Variants in ZFHX3 observed in about 807,000 individuals in gnomAD.
ZFHX3 encodes zinc finger homeobox protein 3.
A neutral mutation model predicts 279.1 loss-of-function variants in ZFHX3; 42 were observed. The ratio of observed to expected loss-of-function variants is 0.15; its 90% CI spans 0.12 to 0.19. The LOEUF (loss-of-function observed/expected upper bound fraction) is 0.19. ZFHX3 is among the 10% of genes least tolerant of loss of function. ZFHX3 has a pLI of 1.00. For missense variants in ZFHX3, 4,981 were observed against 4,754.0 expected, an observed-to-expected ratio of 1.05 and a Z score of -1.40; for synonymous variants, 2,293 against 1,957.8, an observed-to-expected ratio of 1.17 and a Z score of -4.52.
At chr16:72,830,147 C>G (rs1434483746) in intron 4 of ZFHX3, among the ~76,000 whole-genome samples, 1 of 152,230 alleles carries the variant, frequency 6.6e-6, no homozygotes, top group Non-Finnish European at 1.5e-5. Flanking sequence ...TTGAGTAGTT[C>G]TAACTGAAAA....
intron 5 of ZFHX3, among the ~76,000 whole-genome samples, chr16:73,213,694 T>G (rs1271516634): frequency 6.6e-6 from 1 of 152,184 alleles, no homozygotes; most frequent in Non-Finnish European, 1.5e-5. Context: ...GGTGATGCTT[T>G]TGTGAATAGC....
intron 3 of ZFHX3, among the ~76,000 whole-genome samples, chr16:72,923,220 G>A (rs917938962): frequency 2.6e-5 from 4 of 152,224 alleles, no homozygotes; most frequent in African/African-American, 4.8e-5. Flanking sequence ...TGGGAGGATC[G>A]ATCGCTCGAG....
intron 3 of ZFHX3, among the ~76,000 whole-genome samples, chr16:72,926,218 A>G (rs565512426): frequency 7.9e-5 from 12 of 152,178 alleles, no homozygotes; most frequent in South Asian, 2.1e-4. Context: ...TTATAGCTAA[A>G]CTCAAACTAG....
chr16:73,850,513 C>A (rs760656710), intron 1 of ZFHX3, among the ~76,000 whole-genome samples: 2 of 151,996 alleles, frequency 1.3e-5, no homozygotes, highest in Non-Finnish European at 2.9e-5. Context: ...TGAGAACTCT[C>A]GGGGAAAAGG....
intron 2 of ZFHX3, among the ~76,000 whole-genome samples, chr16:73,469,623 A>AT (rs199659909): frequency 0.037 from 5,502 of 149,476 alleles, 142 homozygotes; most frequent in East Asian, 0.19. Context: ...CAATATATAT[A>AT]TATATTTTTT....
intron 2 of ZFHX3, among the ~76,000 whole-genome samples, chr16:73,493,609 A>T (rs1273974255): frequency 6.6e-6 from 1 of 152,224 alleles, no homozygotes; most frequent in Non-Finnish European, 1.5e-5. Context: ...GGACAGGTTC[A>T]CATGGTGCTT....
chr16:73,757,961 A>G (rs729432), intron 1 of ZFHX3, among the ~76,000 whole-genome samples: 60,903 of 152,056 alleles, frequency 0.4, 12,467 homozygotes, highest in Non-Finnish European at 0.43. Context: ...TTATTTCAGT[A>G]AAAATGCCTA....
At chr16:73,717,028 G>A (rs140994821) in intron 1 of ZFHX3, among the ~76,000 whole-genome samples, 8 of 152,104 alleles carry the variant, frequency 5.3e-5, no homozygotes, top group Non-Finnish European at 1.0e-4. Context: ...GAGTGCAAGC[G>A]CCATAGAACA....
intron 4 of ZFHX3, among the ~76,000 whole-genome samples, chr16:73,301,918 G>C (rs1052872073): frequency 6.6e-6 from 1 of 152,072 alleles, no homozygotes; most frequent in African/African-American, 2.4e-5. Flanking sequence ...ACCTGGACAA[G>C]GGCTGTGGGT....
chr16:73,446,999 T>C (rs977698908), intron 3 of ZFHX3, among the ~76,000 whole-genome samples: 1 of 151,522 alleles, frequency 6.6e-6, no homozygotes, highest in Admixed American at 6.6e-5. Context: ...GCTAACACAG[T>C]GAAACACCAT....
At chr16:73,688,495 G>A in intron 1 of ZFHX3, among the ~76,000 whole-genome samples, 1 of 152,062 alleles carries the variant, frequency 6.6e-6, no homozygotes, top group East Asian at 1.9e-4. Flanking sequence ...AGACCCCAGA[G>A]AGCTGCCTTG....
At chr16:73,129,714 ATGTG>A (rs34767541) in intron 7 of ZFHX3, among the ~76,000 whole-genome samples, 45 of 147,580 alleles carry the variant, frequency 3.0e-4, no homozygotes, top group Non-Finnish European at 4.9e-4. Flanking sequence ...GTGCATGTGT[ATGTG>A]TGTGTGTGTG....
At chr16:73,793,930 G>C (rs571692500) in intron 1 of ZFHX3, 17 of 151,442 alleles carry the variant, frequency 1.1e-4, no homozygotes, top group Admixed American at 2.6e-4. Flanking sequence ...GTGGTGATTG[G>C]GGGGAGGGGT....
chr16:73,872,275 T>C (rs2029863943), intron 1 of ZFHX3, among the ~76,000 whole-genome samples: 1 of 152,116 alleles, frequency 6.6e-6, no homozygotes, highest in African/African-American at 2.4e-5. Context: ...ACAGTCTCAT[T>C]TTGTTGCCCA....
At chr16:72,840,246 T>C (rs576177607) in intron 4 of ZFHX3, among the ~76,000 whole-genome samples, 1 of 151,950 alleles carries the variant, frequency 6.6e-6, no homozygotes, top group African/African-American at 2.4e-5. Context: ...CAAATGAAGG[T>C]GTATGGGAAA....
At chr16:73,619,498 A>AT (rs1220654680) in intron 2 of ZFHX3, among the ~76,000 whole-genome samples, 95 of 59,022 alleles carry the variant, frequency 1.6e-3, no homozygotes, top group African/African-American at 3.1e-3. Flanking sequence ...AAAAAAAAAA[A>AT]ATTATATATA....
At chr16:73,539,141 T>TC (rs2019964004) in intron 2 of ZFHX3, among the ~76,000 whole-genome samples, 1 of 152,052 alleles carries the variant, frequency 6.6e-6, no homozygotes, top group African/African-American at 2.4e-5. Flanking sequence ...TTCTTTCTTT[T>TC]TTTTTTGCCT....
At chr16:73,435,065 A>ACTGG (rs752512316) in intron 3 of ZFHX3, among the ~76,000 whole-genome samples, 38 of 152,068 alleles carry the variant, frequency 2.5e-4, no homozygotes, top group African/African-American at 7.2e-4. Context: ...TATTGTTTGA[A>ACTGG]CTGGCTGGCT....
intron 3 of ZFHX3, among the ~76,000 whole-genome samples, chr16:73,339,002 T>A (rs2015976062): frequency 6.6e-6 from 1 of 152,202 alleles, no homozygotes; most frequent in Admixed American, 6.5e-5. Flanking sequence ...CATTGTAAAC[T>A]TCCAGAAGCC....
Sources: allele counts gnomAD v4.1 joint callset (sites outside exome capture counted in the v4.1 genomes callset), GRCh38; gene constraint gnomAD v4.1.1; transcripts MANE v1.5; gene names NCBI Gene and HGNC (gene_info 2026-07-23, HGNC 2026-07-21).